Variants in LMX1A observed in about 807,000 individuals in gnomAD.
The protein encoded by LMX1A is LIM homeobox transcription factor 1 alpha.
LMX1A carries 15 observed loss-of-function variants against 49.1 expected under a neutral mutation model. The ratio of observed to expected loss-of-function variants is 0.31; its 90% CI spans 0.20 to 0.47. LMX1A has a LOEUF of 0.47. Ranked by LOEUF, LMX1A falls within the 20% of genes least tolerant of loss-of-function variation. The pLI, the probability that LMX1A is intolerant of heterozygous loss-of-function variation, is 1.00. For synonymous variants in LMX1A, 167 were observed against 185.7 expected (o/e 0.90, Z 0.82); for missense variants, 372 against 475.8 (o/e 0.78, Z 2.03).
At chr1:165,226,327 C>T (rs1453545323) in intron 4 of LMX1A, among the ~76,000 whole-genome samples, 1 of 152,220 alleles carries the variant, frequency 6.6e-6, no homozygotes, top group Non-Finnish European at 1.5e-5. Context: ...CACCTCTATT[C>T]CCCATCATCT....
chr1:165,339,249 T>C (rs1655992854), intron 3 of LMX1A, among the ~76,000 whole-genome samples: 1 of 152,206 alleles, frequency 6.6e-6, no homozygotes, highest in East Asian at 1.9e-4. Context: ...ACAGACTGTG[T>C]TACTGCAGTC....
At chr1:165,296,729 G>A (rs182917332) in intron 3 of LMX1A, among the ~76,000 whole-genome samples, 1 of 152,342 alleles carries the variant, frequency 6.6e-6, no homozygotes, top group East Asian at 1.9e-4. Flanking sequence ...TTTCTTGTGT[G>A]AATGAACAGA....
At chr1:165,289,155 G>C (rs1300607245) in intron 3 of LMX1A, among the ~76,000 whole-genome samples, 1 of 152,082 alleles carries the variant, frequency 6.6e-6, no homozygotes, top group Non-Finnish European at 1.5e-5. Context: ...GAGTTGGGAG[G>C]GGGTAAGGGT....
chr1:165,316,027 T>C (rs1655208623), intron 3 of LMX1A, among the ~76,000 whole-genome samples: 1 of 152,196 alleles, frequency 6.6e-6, no homozygotes, highest in South Asian at 2.1e-4. Flanking sequence ...TCTCTTATAA[T>C]AGAGTGCCAA....
At chr1:165,290,441 C>CGA (rs1654435879) in intron 3 of LMX1A, among the ~76,000 whole-genome samples, 1 of 149,872 alleles carries the variant, frequency 6.7e-6, no homozygotes, top group Admixed American at 6.6e-5. Flanking sequence ...ACATTGCCTT[C>CGA]GTGTGTGTGT....
At chr1:165,269,223 C>T (rs1185737120) in intron 3 of LMX1A, among the ~76,000 whole-genome samples, 1 of 152,236 alleles carries the variant, frequency 6.6e-6, no homozygotes, top group East Asian at 1.9e-4. Context: ...GAGAGCAGGG[C>T]TGCTTAGAAT....
chr1:165,347,565 A>C (rs1329022188), intron 3 of LMX1A, among the ~76,000 whole-genome samples: 1 of 152,252 alleles, frequency 6.6e-6, no homozygotes, highest in Non-Finnish European at 1.5e-5. Context: ...ATAAAAAAGA[A>C]AGAAAGAAAA....
Position 165,213,754 on chromosome 1 carries a change from C to G in LMX1A, c.556G>C (p.Ala186Pro). The stretch of plus-strand genomic sequence containing the variant: ...CGCTTATGGTCCTTGCCTTCCTCAG[C>G]AGTTCCTTTCCCTGCCCCATGGGCT... Reference protein sequence around the residue: ...KSAHGAGKGTAEEGKDHKRPK... With the variant: ...KSAHGAGKGTPEEGKDHKRPK... The change falls in exon 5 of 9, where the codon GCT becomes CCT. Residue 186 changes from alanine to proline, a missense_variant. By Grantham distance (27) the Ala-to-Pro change is conservative. This residue lies in a region of LMX1A where 199 missense variants were observed against 244.0 expected (regional missense o/e 0.82). Coordinates refer to ENST00000342310, the MANE Select transcript of LMX1A (RefSeq NM_177398.4). The G allele has an allele frequency of 6.2e-7, 1 of 1,614,106 alleles. No homozygotes were observed. The highest frequency in any genetic ancestry group is 8.5e-7 in the Non-Finnish European group (1 of 1,180,024).
chr1:165,306,025 A>T lies in LMX1A; in HGVS notation c.263+47051T>A, dbSNP rs1187749041. Reference sequence around the variant, plus strand: ...AGCATGAACGTCATTTGTGAAAACCATGTCCCAGACGTGCGTACAGAAAAA... The same window carrying T: ...AGCATGAACGTCATTTGTGAAAACCTTGTCCCAGACGTGCGTACAGAAAAA... On this transcript the variant is annotated intron_variant, in intron 3 of 8. Coordinates refer to ENST00000342310, the MANE Select transcript of LMX1A (RefSeq NM_177398.4). Among the ~76,000 whole-genome samples the T allele has an allele frequency of 8.5e-5, 13 of 152,164 alleles. No homozygotes were observed. In the East Asian group the frequency reaches 2.5e-3, roughly 29 times the overall value.
chr1:165,251,782 T>G (rs778644827), intron 3 of LMX1A, among the ~76,000 whole-genome samples: 17 of 152,214 alleles, frequency 1.1e-4, no homozygotes, highest in Non-Finnish European at 2.1e-4. Context: ...CCTGCCCTGA[T>G]CTGTGCCCCC....
At chr1:165,213,922 T>A in intron 4 of LMX1A, 109 bp from the exon 5 acceptor site, 1 of 915,382 alleles carries the variant, frequency 1.1e-6, no homozygotes, top group Non-Finnish European at 1.7e-6. Context: ...TGGCTTTATG[T>A]ATGAGAGCAA....
At chr1:165,291,417 G>A (rs1654463199) in intron 3 of LMX1A, among the ~76,000 whole-genome samples, 1 of 152,146 alleles carries the variant, frequency 6.6e-6, no homozygotes, top group Admixed American at 6.5e-5. Flanking sequence ...CATCTGTTAT[G>A]TTCCAGCTGA....
intron 3 of LMX1A, among the ~76,000 whole-genome samples, chr1:165,336,486 T>C (rs1655902690): frequency 6.6e-6 from 1 of 152,200 alleles, no homozygotes; most frequent in African/African-American, 2.4e-5. Flanking sequence ...CCCTTCCTTT[T>C]TGGCCTCTGA....
chr1:165,280,390 G>A (rs553242630), intron 3 of LMX1A, among the ~76,000 whole-genome samples: 1 of 151,394 alleles, frequency 6.6e-6, no homozygotes, highest in African/African-American at 2.4e-5. Flanking sequence ...CCACCCTGAT[G>A]AGCCATCATC....
At chr1:165,347,278 C>T (rs1656279514) in intron 3 of LMX1A, among the ~76,000 whole-genome samples, 1 of 152,180 alleles carries the variant, frequency 6.6e-6, no homozygotes, top group African/African-American at 2.4e-5. Flanking sequence ...TAGCAACTTC[C>T]CCAAACCAAA....
At chr1:165,265,718 C>T (rs1653601063) in intron 3 of LMX1A, among the ~76,000 whole-genome samples, 1 of 152,090 alleles carries the variant, frequency 6.6e-6, no homozygotes, top group Non-Finnish European at 1.5e-5. Context: ...GGGCTGAATT[C>T]CTCCAAGAAC....
chr1:165,301,125 C>T (rs1345497417), intron 3 of LMX1A, among the ~76,000 whole-genome samples: 1 of 151,844 alleles, frequency 6.6e-6, no homozygotes, highest in African/African-American at 2.4e-5. Context: ...CAATTCCAAA[C>T]CTGGTGAGAA....
intron 4 of LMX1A, chr1:165,219,222 C>T (rs181253612): frequency 6.6e-6 from 1 of 152,084 alleles, no homozygotes; most frequent in Admixed American, 6.5e-5. Context: ...TGTGGGGCCT[C>T]GGAGATTCAT....
rs576922486 is a variant in LMX1A at position 165,296,718 on chromosome 1, G to A, written c.264-47078C>T. Among the ~76,000 whole-genome samples the A allele has an allele frequency of 2.6e-5, 4 of 152,322 alleles. No homozygotes were observed. In the South Asian group the frequency reaches 8.3e-4, roughly 32 times the overall value. On this transcript the variant is annotated intron_variant, in intron 3 of 8. Coordinates refer to ENST00000342310, the MANE Select transcript of LMX1A (RefSeq NM_177398.4). ...GCCCCTTTTCCCTCTCACATCTGCT[G>A]TTTCTTGTGTGAATGAACAGATATC...
Sources: allele counts gnomAD v4.1 joint callset (sites outside exome capture counted in the v4.1 genomes callset), GRCh38; gene constraint gnomAD v4.1.1; regional missense constraint gnomAD v4.1.1; transcripts MANE v1.5; gene names NCBI Gene and HGNC (gene_info 2026-07-23, HGNC 2026-07-21).